ZNF717: variants seen among roughly 807,000 people sequenced by gnomAD.
ZNF717 encodes krueppel-like factor X17.
Under a neutral mutation model 13.8 loss-of-function variants are expected in ZNF717, and 9 were observed. The ratio of observed to expected loss-of-function variants is 0.65; its 90% CI spans 0.39 to 1.14. The LOEUF (loss-of-function observed/expected upper bound fraction) is 1.14. Among genes scored for constraint, ZNF717 ranks in the 50% most tolerant of loss-of-function variants. The pLI is 0.01. For synonymous variants in ZNF717, 327 were observed against 364.1 expected (o/e 0.90, Z 1.16); for missense variants, 1,040 against 1,080.7 (o/e 0.96, Z 0.53).
downstream of ZNF717, among the ~76,000 whole-genome samples, chr3:75,733,778 C>CAAAAAAAAAAAAAAAA (rs56196464): frequency 1.1e-4 from 3 of 26,642 alleles, no homozygotes; most frequent in African/African-American, 3.5e-4. Context: ...GACTCTATCT[C>CAAAAAAAAAAAAAAAA]AAAAAAAAAA....
At chr3:75,730,607 G>C (rs1938473916) in exon 6 of ZNF717, 3 of 702,298 alleles carry the variant, frequency 4.3e-6, no homozygotes, top group Admixed American at 4.0e-5. Context: ...GAGTTCACAA[G>C]AGAGATCAAA....
chr3:75,776,188 A>G (rs1944305008), intron 2 of ZNF717, among the ~76,000 whole-genome samples: 1 of 152,274 alleles, frequency 6.6e-6, no homozygotes, highest in Admixed American at 6.5e-5. Flanking sequence ...AGCTTCTGTT[A>G]TTAAAAGTTT....
chr3:75,735,667 G>T (rs1260445862), downstream of ZNF717, among the ~76,000 whole-genome samples: 1 of 131,402 alleles, frequency 7.6e-6, no homozygotes, highest in Non-Finnish European at 1.6e-5. Flanking sequence ...AGCAACGAGA[G>T]GAAACAAAAA....
At chr3:75,702,486 G>T (rs11128474) in intron 6 of ZNF717, among the ~76,000 whole-genome samples, 40,349 of 150,672 alleles carry the variant, frequency 0.27, 1,297 homozygotes, top group Non-Finnish European at 0.34. Flanking sequence ...GGCAGTGACG[G>T]AACAGGGGGA....
At chr3:75,700,163 A>C (rs143740216) in intron 6 of ZNF717, among the ~76,000 whole-genome samples, 1 of 152,300 alleles carries the variant, frequency 6.6e-6, no homozygotes, top group Admixed American at 6.5e-5. Context: ...GGAGGCCGAG[A>C]TGGGTGAATT....
intron 1 of ZNF717, chr3:75,785,124 G>A (rs1393951161): frequency 1.3e-5 from 2 of 152,318 alleles, no homozygotes. Flanking sequence ...AAGACTCGAG[G>A]CGCACGCGTT....
At chr3:75,750,448 A>G in intron 2 of ZNF717, among the ~76,000 whole-genome samples, 1 of 151,290 alleles carries the variant, frequency 6.6e-6, no homozygotes, top group African/African-American at 2.4e-5. Context: ...TGTGGTCTGA[A>G]TGCTTGTTCC....
intron 4 of ZNF717, among the ~76,000 whole-genome samples, chr3:75,740,449 G>T (rs1197852490): frequency 5.9e-5 from 9 of 151,960 alleles, no homozygotes; most frequent in Non-Finnish European, 1.2e-4. Context: ...ACTGAGGCTG[G>T]AGTGCAGTGT....
At chr3:75,759,924 G>A (rs111552602) in intron 2 of ZNF717, among the ~76,000 whole-genome samples, 1,601 of 152,154 alleles carry the variant, frequency 0.011, 20 homozygotes, top group African/African-American at 0.036. Flanking sequence ...GCAGGTTTCC[G>A]TTTTGGTATA....
chr3:75,710,368 C>T (rs1410597502), exon 6 of ZNF717: 1 of 152,204 alleles, frequency 6.6e-6, no homozygotes, highest in Non-Finnish European at 1.5e-5. Context: ...TATCCAGGTA[C>T]AGCATATAGT....
downstream of ZNF717, among the ~76,000 whole-genome samples, chr3:75,734,567 G>A (rs1296530394): frequency 2.6e-5 from 4 of 151,036 alleles, no homozygotes; most frequent in African/African-American, 9.7e-5. Flanking sequence ...CGAGTAGCTG[G>A]GACAACAGAC....
At chr3:75,772,797 G>A (rs1341137949) in intron 2 of ZNF717, among the ~76,000 whole-genome samples, 6 of 152,242 alleles carry the variant, frequency 3.9e-5, no homozygotes, top group South Asian at 4.1e-4. Context: ...AGGTAAAGGC[G>A]GCACCAGCCA....
rs60391930 is a variant in ZNF717 at position 75,764,075 on chromosome 3, C to T, written c.57+19231G>A. Among the ~76,000 whole-genome samples the T allele has an allele frequency of 3.3e-3, 507 of 152,334 alleles. 15 individuals carry two copies. The East Asian group carries it at 0.072, about 22-fold the overall frequency. On this transcript the variant is annotated intron_variant, in intron 2 of 4. Transcript: ENST00000652011. ...CCCCTGTCATTACAGAGAGACCCTA[C>T]ACAGGATTCCCAGATATAGATGGAA...
chr3:75,770,285 G>A (rs1466422056), intron 2 of ZNF717, among the ~76,000 whole-genome samples: 2 of 152,250 alleles, frequency 1.3e-5, no homozygotes, highest in African/African-American at 4.8e-5. Context: ...AGCAGGCCGG[G>A]CACGGTGGCT....
chr3:75,772,683 C>T (rs1465140997), intron 2 of ZNF717, among the ~76,000 whole-genome samples: 2 of 152,208 alleles, frequency 1.3e-5, no homozygotes. Flanking sequence ...TGCTCACACA[C>T]CCCTCACTGC....
In ZNF717 at chr3:75,737,211, A is replaced by T. The variant is rs1175406632; in HGVS notation, c.2412T>A (p.His804Gln). The T allele has an allele frequency of 4.5e-6, 7 of 1,553,894 alleles. No individual in the cohort carries two copies. In the East Asian group the frequency reaches 1.2e-4, roughly 27 times the overall value. Residue 804 changes from histidine to glutamine, a missense_variant, in exon 5 of 5, where the codon CAT becomes CAA. His to Gln is a conservative substitution (Grantham distance 24, BLOSUM62 0). This residue lies in a region of ZNF717 where 873 missense variants were observed against 832.8 expected (regional missense o/e 1.05). Coordinates refer to ENST00000652011, the MANE Select transcript of ZNF717 (RefSeq NM_001290208.3). ...TFYDKTVLTIHQRTHTGEKPF... is the reference protein window; with the variant it reads ...TFYDKTVLTIQQRTHTGEKPF... ...GCTTCTCACCTGTGTGAGTTCTCTG[A>T]TGTATGGTGAGAACTGTCTTATCGT...
chr3:75,783,192 T>C (rs1944935689), intron 2 of ZNF717, 114 bp downstream of exon 2: 1 of 799,234 alleles, frequency 1.3e-6, no homozygotes, highest in Admixed American at 2.1e-5. Context: ...TATTTATGTA[T>C]ATTTCCTTCA....
intron 6 of ZNF717, among the ~76,000 whole-genome samples, chr3:75,696,892 C>CAAAA (rs142213799): frequency 3.1e-4 from 19 of 61,036 alleles, no homozygotes; most frequent in African/African-American, 9.9e-4. Flanking sequence ...GACTTCATCT[C>CAAAA]AAAAAAAAAA....
downstream of ZNF717, among the ~76,000 whole-genome samples, chr3:75,708,095 GA>G (rs1937842177): frequency 6.6e-6 from 1 of 152,250 alleles, no homozygotes; most frequent in South Asian, 2.1e-4. Context: ...CAGCTTTGAA[GA>G]GAGCAGTGGT....
Sources: allele counts gnomAD v4.1 joint callset (sites outside exome capture counted in the v4.1 genomes callset), GRCh38; gene constraint gnomAD v4.1.1; regional missense constraint gnomAD v4.1.1; transcripts MANE v1.5; gene names NCBI Gene and HGNC (gene_info 2026-07-23, HGNC 2026-07-21).